Variants in UNC13D observed in about 807,000 individuals in gnomAD.
UNC13D encodes protein unc-13 homolog D.
A neutral mutation model predicts 151.7 loss-of-function variants in UNC13D; 115 were observed. The observed-to-expected ratio is 0.76, with a 90% CI of 0.65 to 0.88. The LOEUF (loss-of-function observed/expected upper bound fraction) is 0.88, where lower values mean the gene tolerates loss of function less well. Ranked by LOEUF, UNC13D falls within the 40% of genes least tolerant of loss-of-function variation. UNC13D has a pLI of 0.00. For synonymous variants in UNC13D, 588 were observed against 612.2 expected (o/e 0.96, Z 0.58); for missense variants, 1,369 against 1,438.7 (o/e 0.95, Z 0.78).
rs2064879955 is a variant in UNC13D at position 75,832,713 on chromosome 17, C to T, written c.2447+253G>A. The T allele has an allele frequency of 6.9e-6, 3 of 434,636 alleles. No individual in the cohort carries two copies. The highest frequency in any genetic ancestry group is 1.3e-5 in the Non-Finnish European group (3 of 229,986). 26.9% of individuals were successfully genotyped at this position (434,636 alleles called of 1,614,324 possible). A position where few individuals can be genotyped will look rare whatever the true frequency, so the allele number is the denominator to read the frequency against. On this transcript the variant is annotated intron_variant, in intron 25 of 31. Coordinates refer to ENST00000207549, the MANE Select transcript of UNC13D (RefSeq NM_199242.3). The surrounding 1 kb of genome is among the most constrained non-coding windows in gnomAD (Gnocchi z 4.3). ...GAGGCCTGAGAAGTGGCAAGCTCCC[C>T]GTCCCTGCAGCGAGCCTTAGCAGAG... is the stretch of plus-strand genomic sequence containing the variant.
chr17:75,842,355 C>T (rs1426699137), intron 6 of UNC13D, 78 bp downstream of exon 6: 2 of 1,549,598 alleles, frequency 1.3e-6, no homozygotes, highest in South Asian at 2.4e-5. Flanking sequence ...GGACGACCTA[C>T]TCATCTCATT....
Position 75,830,128 on chromosome 17 carries a change from G to T in UNC13D, c.2854C>A (p.Leu952Met), listed in dbSNP as rs1310117871. ...AACTCATGCCTGGGCTCCAAGGTCA[G>T]CTGGACAAAGGGGTCGCTGGAGCCT... ...SNGSSDPFVQLTLEPRHEFPE... is the reference protein window; with the variant it reads ...SNGSSDPFVQMTLEPRHEFPE... Residue 952 changes from leucine (L) to methionine (M), a missense_variant, in exon 30 of 32, where the codon CTG becomes ATG. Leu to Met is a conservative substitution (Grantham distance 15, BLOSUM62 2). Transcript: ENST00000207549. 3 of 1,589,586 alleles carry T rather than the reference G, an allele frequency of 1.9e-6. No individual in the cohort carries two copies. The South Asian group carries it at 3.4e-5, about 18-fold the overall frequency.
chr17:75,837,072 GT>G lies in UNC13D; in HGVS notation c.1056-155del, dbSNP rs1015309480. ...ACATGCAGGATTGTTTTTGTTTTGTGTTTTTTTTTTTGAGATGTAGTCTCAC... is the reference window on the plus strand; with the variant it reads ...ACATGCAGGATTGTTTTTGTTTTGTGTTTTTTTTTTGAGATGTAGTCTCAC... On this transcript the variant is annotated intron_variant, in intron 12 of 31. Transcript: ENST00000207549. 1.4e-3 allele frequency among the ~76,000 whole-genome samples: 209 copies of G among 146,600 alleles called. 3 individuals carry two copies. Among genetic ancestry groups the G allele is most frequent in the Admixed American group, 0.011 (168 of 14,686 alleles).
chr17:75,833,185 C>T lies in UNC13D; in HGVS notation c.2368-140G>A, dbSNP rs2064884032. On this transcript the variant is annotated intron_variant, in intron 24 of 31. Coordinates refer to ENST00000207549, the MANE Select transcript of UNC13D (RefSeq NM_199242.3). This position sits in a 1 kb window ranked among gnomAD's most constrained non-coding sequence, Gnocchi z 4.0. ...TTTGTAGTGTCTGTAAGAGGCCGGC[C>T]TGCCCACCTCTCTGCCTTCCCCTCT... 3 of 750,618 alleles carry T rather than the reference C, an allele frequency of 4.0e-6. No individual in the cohort carries two copies. The highest frequency in any genetic ancestry group is 5.7e-5 in the East Asian group (2 of 35,294). The allele number at this position is 750,618 out of a possible 1,614,324, so 46.5% of individuals were successfully genotyped here. A position where few individuals can be genotyped will look rare whatever the true frequency, so the allele number is the denominator to read the frequency against.
At position 75,835,429 on chromosome 17, in the gene UNC13D, G is replaced by T; in HGVS notation, c.1828C>A (p.Arg610Ser). The T allele has an allele frequency of 1.2e-6, 2 of 1,612,582 alleles. No individual in the cohort carries two copies. The highest frequency in any genetic ancestry group is 1.7e-6 in the Non-Finnish European group (2 of 1,179,816). The part of the protein sequence containing the change: ...TYNEALARVQ[R>S]AVQMDELVPL... ...CCCACCTCATCCATCTGCACAGCGC[G>T]CTGCACCCGCGCCAGGGCCTCGTTG... is the stretch of plus-strand genomic sequence containing the variant. The change falls in exon 20 of 32, where the codon CGC becomes AGC. Residue 610 changes from arginine (R) to serine (S), a missense_variant. This residue lies in a region of UNC13D where 807 missense variants were observed against 795.5 expected (regional missense o/e 1.01). Transcript: ENST00000207549.
intron 1 of UNC13D, 170 bp from the exon 2 acceptor site, chr17:75,843,689 G>A (rs996106784): frequency 1.2e-5 from 18 of 1,466,520 alleles, no homozygotes; most frequent in Non-Finnish European, 1.5e-5. Context: ...CCTCCTGGAG[G>A]TCCGTCCCTG....
At chr17:75,842,705 C>T in intron 5 of UNC13D, 92 bp from the exon 6 acceptor site, 1 of 1,602,980 alleles carries the variant, frequency 6.2e-7, no homozygotes, top group South Asian at 1.1e-5. Flanking sequence ...TGAGCCTCCT[C>T]CGGGGGAGAG....
chr17:75,836,037 G>T lies in UNC13D; in HGVS notation c.1519C>A (p.Arg507Ser), dbSNP rs746549838. 3.1e-6 allele frequency: 5 copies of T among 1,613,970 alleles called. No individual in the cohort carries two copies. Among genetic ancestry groups the T allele is most frequent in the Non-Finnish European group, 4.2e-6 (5 of 1,180,024 alleles). Residue 507 changes from arginine to serine, a missense_variant, in exon 17 of 32, where the codon CGC becomes AGC. Physicochemically the swap from Arg to Ser is moderately radical, Grantham distance 110 (BLOSUM62 -1). Transcript: ENST00000207549. ...DVIGDLHQCQRTWDKIFHNTL... is the reference protein window; with the variant it reads ...DVIGDLHQCQSTWDKIFHNTL... Reference sequence around the variant, plus strand: ...TTGTGGAAGATCTTGTCCCATGTGCGCTGGCACTGGTGCAGGTCGCCAATG... The same window carrying T: ...TTGTGGAAGATCTTGTCCCATGTGCTCTGGCACTGGTGCAGGTCGCCAATG...
chr17:75,843,238 T>C lies in UNC13D; in HGVS notation c.182A>G (p.Tyr61Cys). ...QRALLYEDALYTVLHRLGHPE... is the reference protein window; with the variant it reads ...QRALLYEDALCTVLHRLGHPE... ...ATGACCCAGGCGGTGCAAGACAGTGTAGAGTGCGTCCTCGTAGAGCAGGGC... is the reference window on the plus strand; with the variant it reads ...ATGACCCAGGCGGTGCAAGACAGTGCAGAGTGCGTCCTCGTAGAGCAGGGC... The change falls in exon 3 of 32, where the codon TAC (tyrosine) becomes TGC (cysteine). Residue 61 changes from tyrosine (Y) to cysteine (C), a missense_variant. This residue lies in a region of UNC13D where 550 missense variants were observed against 609.0 expected (regional missense o/e 0.90). Transcript: ENST00000207549. 3 of 1,610,116 alleles carry C rather than the reference T, an allele frequency of 1.9e-6. No individual in the cohort carries two copies. The highest frequency in any genetic ancestry group is 2.5e-6 in the Non-Finnish European group (3 of 1,179,874).
rs2068476777 is a variant in UNC13D, at chr17:75,827,548, ACT to A, written c.*415_*416del. 10 of 1,533,682 alleles carry A rather than the reference ACT, an allele frequency of 6.5e-6. No individual in the cohort carries two copies. The highest frequency in any genetic ancestry group is 7.9e-6 in the Non-Finnish European group (9 of 1,145,656). On this transcript the variant is annotated 3_prime_UTR_variant, in exon 32 of 32. Coordinates refer to ENST00000207549, the MANE Select transcript of UNC13D (RefSeq NM_199242.3). ...GGGTCCCCTCTCCCTTTTCCAGGAG[ACT>A]CTGTGCCTGTAGCCCTGGTCCCAGT...
rs946900694 is a variant in UNC13D, at chr17:75,832,719, T to C, written c.2447+247A>G. On this transcript the variant is annotated intron_variant, in intron 25 of 31. Coordinates refer to ENST00000207549, the MANE Select transcript of UNC13D (RefSeq NM_199242.3). This position sits in a 1 kb window ranked among gnomAD's most constrained non-coding sequence, Gnocchi z 4.3. ...TGAGAAGTGGCAAGCTCCCCGTCCC[T>C]GCAGCGAGCCTTAGCAGAGCCTGTT... The C allele has an allele frequency of 4.4e-6, 2 of 452,854 alleles. No homozygotes were observed. The highest frequency in any genetic ancestry group is 3.9e-5 in the African/African-American group (2 of 50,888). The allele number at this position is 452,854 out of a possible 1,614,324, so 28.1% of individuals were successfully genotyped here.
intron 12 of UNC13D, 114 bp from the exon 13 acceptor site, chr17:75,837,032 T>C: frequency 4.0e-6 from 2 of 496,584 alleles, no homozygotes; most frequent in East Asian, 1.1e-4. Flanking sequence ...GGCTGAAAAC[T>C]AGTGGCTCAA....
chr17:75,843,095 G>A (rs1167696284), intron 3 of UNC13D, 22 bp from the exon 4 acceptor site: 2 of 1,603,802 alleles, frequency 1.2e-6, no homozygotes, highest in South Asian at 2.2e-5. Flanking sequence ...GCAGGCGGGT[G>A]GGTGGCTGGG....
chr17:75,840,719 A>G lies in UNC13D; in HGVS notation c.683+43T>C, dbSNP rs749431346. 6.8e-6 allele frequency: 11 copies of G among 1,613,010 alleles called. No individual in the cohort carries two copies. Among genetic ancestry groups the G allele is most frequent in the Non-Finnish European group, 9.3e-6 (11 of 1,179,510 alleles). ...TGTGCATGTTGGGGGATGGAGGGCA[A>G]AAGGAGCCCCAACCCCTTCCCTGTG... On this transcript the variant is annotated intron_variant, in intron 8 of 31. Transcript: ENST00000207549. The surrounding 1 kb of genome is among the most constrained non-coding windows in gnomAD (Gnocchi z 4.6).
In UNC13D at chr17:75,833,134, G is replaced by T; in HGVS notation, c.2368-89C>A. Reference sequence around the variant, plus strand: ...CCCCTGACCTGGAGGGAGGAAACAGGGCTGGGAACCGTTCTGTGAGAGCAG... The same window carrying T: ...CCCCTGACCTGGAGGGAGGAAACAGTGCTGGGAACCGTTCTGTGAGAGCAG... On this transcript the variant is annotated intron_variant, in intron 24 of 31. Transcript: ENST00000207549. The surrounding 1 kb of genome is among the most constrained non-coding windows in gnomAD (Gnocchi z 4.0). 1.5e-6 allele frequency: 2 copies of T among 1,346,548 alleles called. No homozygotes were observed. The highest frequency in any genetic ancestry group is 2.1e-6 in the Non-Finnish European group (2 of 965,454). 83.4% of individuals were successfully genotyped at this position (1,346,548 alleles called of 1,614,324 possible).
At position 75,844,237 on chromosome 17, in the gene UNC13D, G is replaced by A; in HGVS notation, c.101C>T (p.Pro34Leu). 8 of 1,612,180 alleles carry A rather than the reference G, an allele frequency of 5.0e-6. No individual in the cohort carries two copies. Among genetic ancestry groups the A allele is most frequent in the Non-Finnish European group, 6.8e-6 (8 of 1,179,960 alleles). The change falls in exon 1 of 32, where the codon CCC (proline) becomes CTC (leucine). Residue 34 changes from proline (P) to leucine (L), a missense_variant. This residue lies in a region of UNC13D where 550 missense variants were observed against 609.0 expected (regional missense o/e 0.90). Coordinates refer to ENST00000207549, the MANE Select transcript of UNC13D (RefSeq NM_199242.3). Reference protein sequence around the residue: ...RRVRDLQDPPPQMAPEIQPPS... With the variant: ...RRVRDLQDPPLQMAPEIQPPS... ...CACTCCTACCTCCGGGGCCATTTGGGGCGGGGGATCCTGTAGATCTCTGAC... is the reference window on the plus strand; with the variant it reads ...CACTCCTACCTCCGGGGCCATTTGGAGCGGGGGATCCTGTAGATCTCTGAC...
rs369536831 is a variant in UNC13D at position 75,839,888 on chromosome 17, A to G, written c.1006T>C (p.Phe336Leu). Residue 336 changes from phenylalanine to leucine, a missense_variant, in exon 12 of 32, where the codon TTT becomes CTT. Coordinates refer to ENST00000207549, the MANE Select transcript of UNC13D (RefSeq NM_199242.3). ...AGGTCCTTCTGTGTGGCGTGCAGAA[A>G]GAGGACGGTGGCAGCCTGGGGACTC... ...SLSPQAATVLFLHATQKDLSD... is the reference protein window; with the variant it reads ...SLSPQAATVLLLHATQKDLSD... 2 of 1,613,970 alleles carry G rather than the reference A, an allele frequency of 1.2e-6. No homozygotes were observed. Among genetic ancestry groups the G allele is most frequent in the Non-Finnish European group, 8.5e-7 (1 of 1,180,008 alleles).
rs769473094 is a variant in UNC13D, at chr17:75,827,371, C to T, written c.*594G>A. 16 of 1,306,946 alleles carry T rather than the reference C, an allele frequency of 1.2e-5. No individual in the cohort carries two copies. Among genetic ancestry groups the T allele is most frequent in the Middle Eastern group, 5.5e-4 (2 of 3,630 alleles). The allele number at this position is 1,306,946 out of a possible 1,614,324, so 81.0% of individuals were successfully genotyped here. ...TTCCGTCTGTCTGTGCCAGCCCTGCCGCCTGCCAGCTCTTGCTCCCTCAGA... is the reference window on the plus strand; with the variant it reads ...TTCCGTCTGTCTGTGCCAGCCCTGCTGCCTGCCAGCTCTTGCTCCCTCAGA... On this transcript the variant is annotated 3_prime_UTR_variant, in exon 32 of 32. Coordinates refer to ENST00000207549, the MANE Select transcript of UNC13D (RefSeq NM_199242.3).
rs2064897365 is a variant in UNC13D, at chr17:75,834,988, G to A, written c.1924C>T (p.His642Tyr). ...DLSTCFAQIS[H>Y]TARQLDWPDP... ...GGCCAGTCCAGCTGCCGGGCAGTGT[G>A]GCTGATCTGGGCAAAGCAGGTGGAT... Residue 642 changes from histidine (H) to tyrosine (Y), a missense_variant, in exon 21 of 32, where the codon CAC becomes TAC. This residue lies in a region of UNC13D where 807 missense variants were observed against 795.5 expected (regional missense o/e 1.01). Coordinates refer to ENST00000207549, the MANE Select transcript of UNC13D (RefSeq NM_199242.3). 1.2e-6 allele frequency: 2 copies of A among 1,613,962 alleles called. No homozygotes were observed. Among genetic ancestry groups the A allele is most frequent in the African/African-American group, 1.3e-5 (1 of 74,898 alleles).
Sources: gnomAD v4.1 joint callset for allele counts (sites outside exome capture counted in the v4.1 genomes callset) on GRCh38, gnomAD v4.1.1 for gene constraint, gnomAD v4.1.1 regional missense constraint, Gnocchi (gnomAD v3.1) non-coding constraint, MANE v1.5 for transcripts, NCBI Gene and HGNC (gene_info 2026-07-23, HGNC 2026-07-21) for gene names.